NKAIN2: variants seen among roughly 807,000 people sequenced by gnomAD.
The protein encoded by NKAIN2 is sodium/potassium transporting ATPase interacting 2, also known as sodium/potassium-transporting ATPase subunit beta-1-interacting protein 2.
Under a neutral mutation model 32.6 loss-of-function variants are expected in NKAIN2, and 14 were observed. The ratio of observed to expected loss-of-function variants is 0.43; its 90% CI spans 0.28 to 0.67. NKAIN2 has a LOEUF of 0.67. Ranked by LOEUF, NKAIN2 falls within the 30% of genes least tolerant of loss-of-function variation. The pLI is 0.17. For synonymous variants in NKAIN2, 80 were observed against 87.2 expected (o/e 0.92, Z 0.46); for missense variants, 198 against 258.3 (o/e 0.77, Z 1.60).
intron 1 of NKAIN2, among the ~76,000 whole-genome samples, chr6:123,997,854 C>T (rs984863025): frequency 7.9e-5 from 12 of 152,152 alleles, no homozygotes; most frequent in Admixed American, 2.6e-4. Flanking sequence ...CCTCCCGCCT[C>T]GGCCTCCCAA....
chr6:124,734,543 G>A (rs376107437), intron 4 of NKAIN2, among the ~76,000 whole-genome samples: 1 of 151,876 alleles, frequency 6.6e-6, no homozygotes, highest in Admixed American at 6.6e-5. Flanking sequence ...CTCCCTGACA[G>A]AGCCCAGAAA....
chr6:123,854,898 T>G (rs978104116), intron 1 of NKAIN2, among the ~76,000 whole-genome samples: 3 of 152,192 alleles, frequency 2.0e-5, no homozygotes, highest in African/African-American at 7.2e-5. Flanking sequence ...GCGTCTTTCC[T>G]TGGCTGAGAC....
intron 1 of NKAIN2, among the ~76,000 whole-genome samples, chr6:123,929,861 G>T (rs1478058974): frequency 6.6e-6 from 1 of 152,076 alleles, no homozygotes; most frequent in Non-Finnish European, 1.5e-5. Flanking sequence ...AATCCAAAAT[G>T]TTCCAATGAG....
chr6:124,821,950 C>G (rs1781412487), intron 6 of NKAIN2, among the ~76,000 whole-genome samples: 1 of 152,170 alleles, frequency 6.6e-6, no homozygotes, highest in East Asian at 1.9e-4. Flanking sequence ...GTTTTCCTGA[C>G]CCCTTCAGTT....
intron 1 of NKAIN2, among the ~76,000 whole-genome samples, chr6:123,975,784 C>T (rs1249433827): frequency 7.2e-5 from 11 of 152,066 alleles, no homozygotes; most frequent in Non-Finnish European, 1.6e-4. Flanking sequence ...AATAACCTCC[C>T]AAAGGCCCTA....
At chr6:124,057,499 AC>A (rs1782713411) in intron 1 of NKAIN2, among the ~76,000 whole-genome samples, 1 of 150,828 alleles carries the variant, frequency 6.6e-6, no homozygotes, top group Admixed American at 6.6e-5. Context: ...GAAATAGAAG[AC>A]ACTAAAAAAA....
chr6:124,138,668 T>TAAG (rs1394279672), intron 1 of NKAIN2, among the ~76,000 whole-genome samples: 1 of 14,362 alleles, frequency 7.0e-5, no homozygotes, highest in African/African-American at 6.0e-4. Flanking sequence ...GTTATATTAT[T>TAAG]AATTATGTTA....
chr6:123,878,751 T>C (rs1342328087), intron 1 of NKAIN2, among the ~76,000 whole-genome samples: 1 of 152,158 alleles, frequency 6.6e-6, no homozygotes, highest in Non-Finnish European at 1.5e-5. Flanking sequence ...TTCCTTTCTT[T>C]CTGTACTCTA....
At chr6:124,727,314 C>T (rs1451881280) in intron 4 of NKAIN2, among the ~76,000 whole-genome samples, 2 of 152,056 alleles carry the variant, frequency 1.3e-5, no homozygotes, top group African/African-American at 2.4e-5. Context: ...AGAGAAAGGT[C>T]GGGTTACCCT....
chr6:124,770,836 CTT>C (rs1778719552), intron 4 of NKAIN2, among the ~76,000 whole-genome samples: 1 of 152,098 alleles, frequency 6.6e-6, no homozygotes, highest in South Asian at 2.1e-4. Context: ...CTCATGAGAG[CTT>C]TCTTTCCAAG....
rs927647032 is a variant in NKAIN2, at chr6:124,227,926, G to A, written c.55-55079G>A. Among the ~76,000 whole-genome samples the A allele has an allele frequency of 3.3e-5, 5 of 152,168 alleles. No individual in the cohort carries two copies. The East Asian group carries it at 9.7e-4, about 29-fold the overall frequency. On this transcript the variant is annotated intron_variant, in intron 1 of 6. Transcript: ENST00000368417. The stretch of plus-strand genomic sequence containing the variant: ...AAACAACAGACATTTATTTCACACA[G>A]TTCTGGGGACTGGAAAGTTGGAAAT...
At chr6:124,749,852 C>A (rs796420272) in intron 4 of NKAIN2, among the ~76,000 whole-genome samples, 23 of 151,966 alleles carry the variant, frequency 1.5e-4, no homozygotes, top group African/African-American at 5.3e-4. Context: ...CCCCATTTCC[C>A]ACTATTTCCC....
Position 124,331,430 on chromosome 6 carries a change from G to A in NKAIN2, c.193-23837G>A, listed in dbSNP as rs139349021. 5.4e-3 allele frequency among the ~76,000 whole-genome samples: 784 copies of A among 145,918 alleles called. 7 individuals are homozygous for A. Among genetic ancestry groups the A allele is most frequent in the African/African-American group, 0.017 (676 of 39,138 alleles). ...TGTAGTCCCAACTACACGGGAGGCC[G>A]AGGCAGGAGAATGGCGTGAACCTGC... On this transcript the variant is annotated intron_variant, in intron 2 of 6. Transcript: ENST00000368417.
intron 3 of NKAIN2, among the ~76,000 whole-genome samples, chr6:124,361,560 TATACCTA>T (rs1799290130): frequency 6.6e-6 from 1 of 152,060 alleles, no homozygotes; most frequent in Admixed American, 6.6e-5. Context: ...AACAGAAATT[TATACCTA>T]ATGTTTGTTT....
At chr6:124,508,813 A>G (rs567439953) in intron 3 of NKAIN2, among the ~76,000 whole-genome samples, 3 of 152,250 alleles carry the variant, frequency 2.0e-5, no homozygotes, top group South Asian at 4.2e-4. Context: ...TTTGGTTTGC[A>G]GCTGTAAAGG....
At chr6:124,369,182 G>A (rs756973665) in intron 3 of NKAIN2, among the ~76,000 whole-genome samples, 1 of 151,964 alleles carries the variant, frequency 6.6e-6, no homozygotes, top group Non-Finnish European at 1.5e-5. Context: ...TGTCTCTAAA[G>A]CCCACTCTAT....
At chr6:123,862,134 T>A (rs2114979685) in intron 1 of NKAIN2, among the ~76,000 whole-genome samples, 1 of 152,324 alleles carries the variant, frequency 6.6e-6, no homozygotes, top group Middle Eastern at 3.4e-3. Flanking sequence ...TCTCAAATCC[T>A]CTGTTTCTTC....
At chr6:124,459,616 G>A (rs780306339) in intron 3 of NKAIN2, among the ~76,000 whole-genome samples, 1 of 151,742 alleles carries the variant, frequency 6.6e-6, no homozygotes, top group African/African-American at 2.4e-5. Context: ...CTTATGATCC[G>A]TGTTTTAATT....
intron 2 of NKAIN2, among the ~76,000 whole-genome samples, chr6:124,344,735 G>A (rs1798316717): frequency 6.6e-6 from 1 of 152,144 alleles, no homozygotes; most frequent in Admixed American, 6.5e-5. Context: ...ATTTTGGGCT[G>A]AGACAATGGG....
Sources: gnomAD v4.1 joint callset for allele counts (sites outside exome capture counted in the v4.1 genomes callset) on GRCh38, gnomAD v4.1.1 for gene constraint, MANE v1.5 for transcripts, NCBI Gene and HGNC (gene_info 2026-07-23, HGNC 2026-07-21) for gene names.